Variants in LRCH1 observed in about 807,000 individuals in gnomAD.
LRCH1 encodes leucine-rich repeat and calponin homology domain-containing protein 1.
A neutral mutation model predicts 94.9 loss-of-function variants in LRCH1; 23 were observed. The observed-to-expected ratio is 0.24, with a 90% CI of 0.17 to 0.34. LRCH1 has a LOEUF of 0.34. LRCH1 is among the 10% of genes least tolerant of loss of function. The pLI is 1.00. For synonymous variants in LRCH1, 364 were observed against 354.9 expected (o/e 1.03, Z -0.29); for missense variants, 790 against 945.9 (o/e 0.84, Z 2.16).
At chr13:46,731,073 A>G (rs967293437) in intron 18 of LRCH1, among the ~76,000 whole-genome samples, 1 of 150,724 alleles carries the variant, frequency 6.6e-6, no homozygotes, top group Non-Finnish European at 1.5e-5. Flanking sequence ...TTCTCCTCCT[A>G]CCCAAAACCA....
At chr13:46,679,836 A>G (rs1430598071) in intron 3 of LRCH1, 1 of 152,346 alleles carries the variant, frequency 6.6e-6, no homozygotes, top group Non-Finnish European at 1.5e-5. Context: ...GTTCCTCTTC[A>G]TCGGGTGGTA....
chr13:46,715,735 T>C, intron 16 of LRCH1, 71 bp downstream of exon 16: 1 of 912,938 alleles, frequency 1.1e-6, no homozygotes, highest in East Asian at 2.6e-5. Flanking sequence ...CATTCATCTC[T>C]GTGCAGCTGA....
chr13:46,622,448 C>G (rs762408000), intron 1 of LRCH1, among the ~76,000 whole-genome samples: 4 of 152,136 alleles, frequency 2.6e-5, no homozygotes, highest in Non-Finnish European at 5.9e-5. Flanking sequence ...TGTAGAAGCT[C>G]ATTAAAAATC....
chr13:46,642,715 C>G (rs535296475), intron 1 of LRCH1, among the ~76,000 whole-genome samples: 5 of 152,238 alleles, frequency 3.3e-5, no homozygotes, highest in South Asian at 2.1e-4. Context: ...CAAATCGGAC[C>G]CTTTCTGGGA....
rs138446868 is a variant in LRCH1 at position 46,649,740 on chromosome 13, G to A, written c.308-461G>A. ...GCTACTCGAGAGGCTGAGGTAGAAGGAACACCTGAGCCTGGGAGGTTGAGA... is the reference window on the plus strand; with the variant it reads ...GCTACTCGAGAGGCTGAGGTAGAAGAAACACCTGAGCCTGGGAGGTTGAGA... On this transcript the variant is annotated intron_variant, in intron 1 of 19. Transcript: ENST00000389797. Among the ~76,000 whole-genome samples, 1,324 of 151,492 alleles carry A rather than the reference G, an allele frequency of 8.7e-3. 13 individuals carry two copies. The highest frequency in any genetic ancestry group is 0.011 in the Non-Finnish European group (758 of 67,938).
At chr13:46,579,278 T>A (rs889049490) in intron 1 of LRCH1, among the ~76,000 whole-genome samples, 1 of 152,170 alleles carries the variant, frequency 6.6e-6, no homozygotes, top group African/African-American at 2.4e-5. Context: ...ACAGTTTAAC[T>A]CTGGCTCTGT....
At chr13:46,649,764 G>A (rs990831640) in intron 1 of LRCH1, among the ~76,000 whole-genome samples, 2 of 151,318 alleles carry the variant, frequency 1.3e-5, no homozygotes, top group African/African-American at 4.9e-5. Flanking sequence ...GGGAGGTTGA[G>A]ATTGCAGTGA....
At chr13:46,655,162 TATG>T (rs2051354457) in intron 2 of LRCH1, among the ~76,000 whole-genome samples, 1 of 152,194 alleles carries the variant, frequency 6.6e-6, no homozygotes. Context: ...TGATGATGAC[TATG>T]ATGGTGGCGG....
chr13:46,702,261 G>C (rs2138182493), intron 11 of LRCH1, among the ~76,000 whole-genome samples: 1 of 152,290 alleles, frequency 6.6e-6, no homozygotes, highest in South Asian at 2.1e-4. Flanking sequence ...CAGCACTTTG[G>C]AAGGCCAAGG....
In LRCH1 at chr13:46,733,973, C is replaced by A; in HGVS notation, c.2060C>A (p.Ala687Glu). ...AGAAATGTGGAAAACTTTTTGGAAG[C>A]ATGCCGAAAATTAGGAGTACCAGAG... ...CRRNVENFLE[A>E]CRKLGVPEAD... The change falls in exon 19 of 20, where the codon GCA becomes GAA. Residue 687 changes from alanine to glutamate, a missense_variant. By Grantham distance (107) the Ala-to-Glu change is moderately radical. Around this residue, in one of 3 missense-constraint regions of LRCH1, gnomAD observed 460 missense variants for 508.9 expected, o/e 0.90. Coordinates refer to ENST00000389797, the MANE Select transcript of LRCH1 (RefSeq NM_001164211.2). 1 of 1,602,248 alleles carries A rather than the reference C, an allele frequency of 6.2e-7. No individual in the cohort carries two copies. Among genetic ancestry groups the A allele is most frequent in the Non-Finnish European group, 8.5e-7 (1 of 1,173,576 alleles).
chr13:46,700,030 T>G (rs1431608677), intron 10 of LRCH1, among the ~76,000 whole-genome samples: 9 of 152,214 alleles, frequency 5.9e-5, no homozygotes, highest in Admixed American at 5.9e-4. Context: ...CAAGGAATCT[T>G]GTACCAGACA....
chr13:46,643,606 TTCTAGGTGTC>T (rs1164585065), intron 1 of LRCH1, among the ~76,000 whole-genome samples: 3 of 152,192 alleles, frequency 2.0e-5, no homozygotes, highest in Non-Finnish European at 4.4e-5. Context: ...TCCCCTTCCC[TTCTAGGTGTC>T]TTCCCCATGG....
rs192950952 is a variant in LRCH1, at chr13:46,711,820, C to T, written c.1557C>T (p.Asn519=). ...AAAGTGATCTAACATTACAGAGTAA[C>T]GGGAGCCAGTATTCTCCAAATGAGG... is the stretch of plus-strand genomic sequence containing the variant. ...EVQSDLTLQS[N]GSQYSPNEIR... Residue 519 remains asparagine (N), a synonymous_variant, in exon 14 of 20, where the codon AAC becomes AAT. Coordinates refer to ENST00000389797, the MANE Select transcript of LRCH1 (RefSeq NM_001164211.2). 1,173 of 1,612,962 alleles carry T rather than the reference C, an allele frequency of 7.3e-4. No homozygotes were observed. Among genetic ancestry groups the T allele is most frequent in the Non-Finnish European group, 5.1e-4 (606 of 1,179,328 alleles).
At chr13:46,582,049 C>T (rs1322365599) in intron 1 of LRCH1, among the ~76,000 whole-genome samples, 1 of 150,034 alleles carries the variant, frequency 6.7e-6, no homozygotes, top group Non-Finnish European at 1.5e-5. Context: ...ACTTGGGAGG[C>T]TGAGGCAGGA....
chr13:46,727,625 C>G (rs1165989106), intron 17 of LRCH1, among the ~76,000 whole-genome samples: 2 of 152,180 alleles, frequency 1.3e-5, no homozygotes, highest in Non-Finnish European at 2.9e-5. Flanking sequence ...GCCTCAGCCT[C>G]CTGAGTAGCT....
intron 1 of LRCH1, among the ~76,000 whole-genome samples, chr13:46,634,452 C>T (rs2051058592): frequency 6.6e-6 from 1 of 152,222 alleles, no homozygotes; most frequent in African/African-American, 2.4e-5. Flanking sequence ...ATCCCATGTG[C>T]CTCAGCCGTA....
chr13:46,724,547 G>T (rs1204509173), intron 17 of LRCH1, among the ~76,000 whole-genome samples: 1 of 152,156 alleles, frequency 6.6e-6, no homozygotes, highest in Non-Finnish European at 1.5e-5. Context: ...AGGGACCATG[G>T]CTGTCTTATT....
chr13:46,651,748 T>G (rs1419417047), intron 2 of LRCH1, among the ~76,000 whole-genome samples: 9 of 147,526 alleles, frequency 6.1e-5, no homozygotes, highest in African/African-American at 1.5e-4. Flanking sequence ...TCACCCAGGC[T>G]GGAGTGCAGT....
At chr13:46,702,208 T>TTTAC (rs397750048) in intron 11 of LRCH1, among the ~76,000 whole-genome samples, 2 of 151,806 alleles carry the variant, frequency 1.3e-5, no homozygotes, top group African/African-American at 4.8e-5. Flanking sequence ...TGAGAAGTTA[T>TTTAC]AAGTGTAACT....
Sources: allele counts gnomAD v4.1 joint callset (sites outside exome capture counted in the v4.1 genomes callset), GRCh38; gene constraint gnomAD v4.1.1; regional missense constraint gnomAD v4.1.1; transcripts MANE v1.5; gene names NCBI Gene and HGNC (gene_info 2026-07-23, HGNC 2026-07-21).